The following HSPG2 variants were observed in gnomAD, a reference collection of about 807,000 sequenced individuals.
The protein encoded by HSPG2 is basement membrane-specific heparan sulfate proteoglycan core protein.
Under a neutral mutation model 526.6 loss-of-function variants are expected in HSPG2, and 278 were observed. The observed-to-expected ratio is 0.53, with a 90% confidence interval of 0.48 to 0.58. The LOEUF is 0.58. Among genes scored for constraint, HSPG2 ranks in the 20% least tolerant of loss-of-function variants. The probability of loss-of-function intolerance (pLI) is 0.00; values close to 1 mark genes in which losing one functional copy is unlikely to be tolerated. For missense variants in HSPG2, 5,354 were observed against 6,099.5 expected (o/e 0.88, Z 4.07); for synonymous variants, 2,465 against 2,555.4 (o/e 0.96, Z 1.07).
chr1:21,841,199 C>G lies in HSPG2; in HGVS notation c.9415G>C (p.Glu3139Gln). ...AVTLECVSAG[E>Q]PRSSARWTRI... ...GTCCAACGAGCAGAGGAGCGGGGCTCCCCGGCACTGACACACTCCAGGGTG... is the reference window on the plus strand; with the variant it reads ...GTCCAACGAGCAGAGGAGCGGGGCTGCCCGGCACTGACACACTCCAGGGTG... The change falls in exon 71 of 97, where the codon GAG becomes CAG. Residue 3139 changes from glutamate (E) to glutamine (Q), a missense_variant. Transcript: ENST00000374695. 1 of 1,613,864 alleles carries G rather than the reference C, an allele frequency of 6.2e-7. No individual in the cohort carries two copies. Among genetic ancestry groups the G allele is most frequent in the Non-Finnish European group, 8.5e-7 (1 of 1,180,052 alleles).
At position 21,848,631 on chromosome 1, in the gene HSPG2, C is replaced by T; in HGVS notation, c.7737+12G>A. 3.7e-6 allele frequency: 6 copies of T among 1,612,984 alleles called. No homozygotes were observed. Among genetic ancestry groups the T allele is most frequent in the Non-Finnish European group, 5.1e-6 (6 of 1,180,012 alleles). ...GCCCTGCTTTTGCCCTCCCCACCTG[C>T]TGGCCCTGTACCTGGTGCCGGCTGG... On this transcript the variant is annotated intron_variant, in intron 59 of 96. Coordinates refer to ENST00000374695, the MANE Select transcript of HSPG2 (RefSeq NM_005529.7). The surrounding 1 kb of genome is among the most constrained non-coding windows in gnomAD (Gnocchi z 4.9).
Position 21,904,315 on chromosome 1 carries a change from G to A in HSPG2, c.64-8005C>T, listed in dbSNP as rs935252225. Among the ~76,000 whole-genome samples the A allele has an allele frequency of 2.0e-5, 3 of 152,138 alleles. No homozygotes were observed. Among genetic ancestry groups the A allele is most frequent in the Admixed American group, 6.5e-5 (1 of 15,274 alleles). On this transcript the variant is annotated intron_variant, in intron 1 of 96. Coordinates refer to ENST00000374695, the MANE Select transcript of HSPG2 (RefSeq NM_005529.7). This position sits in a 1 kb window ranked among gnomAD's most constrained non-coding sequence, Gnocchi z 4.4. ...GCAAAGCAGAGAAGGGGAAGAGTGC[G>A]GACCAGGTGGAGGGAAGGGCACACG...
intron 1 of HSPG2, among the ~76,000 whole-genome samples, chr1:21,911,271 G>A (rs563384283): frequency 6.6e-6 from 1 of 152,330 alleles, no homozygotes; most frequent in South Asian, 2.1e-4. Flanking sequence ...GTACTGGGAG[G>A]AGGGGGCTAC....
At position 21,862,209 on chromosome 1, in the gene HSPG2, T is replaced by C. The variant is rs1393179556; in HGVS notation, c.4741-94A>G. 1.5e-5 allele frequency: 20 copies of C among 1,363,702 alleles called. No individual in the cohort carries two copies. The East Asian group carries it at 4.0e-4, about 27-fold the overall frequency. The allele number at this position is 1,363,702 out of a possible 1,614,324, so 84.5% of individuals were successfully genotyped here. On this transcript the variant is annotated intron_variant, in intron 37 of 96. Transcript: ENST00000374695. Reference sequence around the variant, plus strand: ...ATCCCTTGATCTAGAAATTCCAAGTTTGTGAACTCATCTTAAAGAAAGAAT... The same window carrying C: ...ATCCCTTGATCTAGAAATTCCAAGTCTGTGAACTCATCTTAAAGAAAGAAT...
rs1333742667 is a variant in HSPG2, at chr1:21,865,234, A to G, written c.4395+51T>C. The G allele has an allele frequency of 2.2e-5, 34 of 1,572,384 alleles. No individual in the cohort carries two copies. The highest frequency in any genetic ancestry group is 3.0e-5 in the Non-Finnish European group (34 of 1,142,326). Reference sequence around the variant, plus strand: ...GGGTATCAAAGCCAGGCTCTGAGTCAGGGTGGAGGGTGGGGTGGGGTTAGA... The same window carrying G: ...GGGTATCAAAGCCAGGCTCTGAGTCGGGGTGGAGGGTGGGGTGGGGTTAGA... On this transcript the variant is annotated intron_variant, in intron 35 of 96. Coordinates refer to ENST00000374695, the MANE Select transcript of HSPG2 (RefSeq NM_005529.7). The surrounding 1 kb of genome is among the most constrained non-coding windows in gnomAD (Gnocchi z 5.4).
intron 75 of HSPG2, 33 bp from the exon 76 acceptor site, chr1:21,835,670 T>C: frequency 1.3e-6 from 2 of 1,531,732 alleles, no homozygotes; most frequent in Non-Finnish European, 1.8e-6. Context: ...CATCAGGGAG[T>C]TGAAAACAAC....
Position 21,874,858 on chromosome 1 carries a change from G to T in HSPG2, c.3414+33C>A, listed in dbSNP as rs766546415. The stretch of plus-strand genomic sequence containing the variant: ...AGGAGCGGGAAGCACCATGGAGGGG[G>T]CTGGCTGGGCTGGCGTGGGGCCCAG... On this transcript the variant is annotated intron_variant, in intron 26 of 96. Transcript: ENST00000374695. 14 of 1,563,756 alleles carry T rather than the reference G, an allele frequency of 9.0e-6. No homozygotes were observed. In the East Asian group the frequency reaches 1.6e-4, roughly 18 times the overall value.
intron 55 of HSPG2, 70 bp downstream of exon 55, chr1:21,851,476 T>A: frequency 6.2e-7 from 1 of 1,606,644 alleles, no homozygotes; most frequent in Middle Eastern, 2.2e-4. Context: ...CCTCTAGCCC[T>A]CCCCCAATAA....
Position 21,848,674 on chromosome 1 carries a change from T to G in HSPG2, c.7706A>C (p.Lys2569Thr), listed in dbSNP as rs1421137181. 1 of 1,613,610 alleles carries G rather than the reference T, an allele frequency of 6.2e-7. No individual in the cohort carries two copies. Among genetic ancestry groups the G allele is most frequent in the South Asian group, 1.1e-5 (1 of 91,064 alleles). The change falls in exon 59 of 97, where the codon AAG (lysine) becomes ACG (threonine). Residue 2569 changes from lysine (K) to threonine (T), a missense_variant. Coordinates refer to ENST00000374695, the MANE Select transcript of HSPG2 (RefSeq NM_005529.7). The surrounding 1 kb of genome is among the most constrained non-coding windows in gnomAD (Gnocchi z 4.9). ...SQAPHTITWY[K>T]RGGSLPSRHQ... ...CCGGCTGGGTAAGCTGCCTCCACGC[T>G]TATACCAGGTGATGGTGTGGGGAGC... is the stretch of plus-strand genomic sequence containing the variant.
rs1640150413 is a variant in HSPG2 at position 21,865,416 on chromosome 1, G to T, written c.4315-51C>A. On this transcript the variant is annotated intron_variant, in intron 34 of 96. Coordinates refer to ENST00000374695, the MANE Select transcript of HSPG2 (RefSeq NM_005529.7). This position sits in a 1 kb window ranked among gnomAD's most constrained non-coding sequence, Gnocchi z 5.4. ...AGGGGAGCCGAGGGGTCCCTGGGGTGCCAGGGTGTCCTCCACCAGTCCTAG... is the reference window on the plus strand; with the variant it reads ...AGGGGAGCCGAGGGGTCCCTGGGGTTCCAGGGTGTCCTCCACCAGTCCTAG... 1 of 1,528,998 alleles carries T rather than the reference G, an allele frequency of 6.5e-7. No homozygotes were observed. The highest frequency in any genetic ancestry group is 9.1e-7 in the Non-Finnish European group (1 of 1,103,498). 94.7% of individuals were successfully genotyped at this position (1,528,998 alleles called of 1,614,324 possible). A position where few individuals can be genotyped will look rare whatever the true frequency, so the allele number is the denominator to read the frequency against.
At chr1:21,842,654 AT>A in intron 67 of HSPG2, 115 bp downstream of exon 67, 2 of 1,389,434 alleles carry the variant, frequency 1.4e-6, no homozygotes, top group Non-Finnish European at 2.0e-6. Context: ...CCGCAAACGT[AT>A]TTTATCCCCT....
intron 42 of HSPG2, 129 bp from the exon 43 acceptor site, chr1:21,857,514 C>G: frequency 2.4e-6 from 2 of 826,210 alleles, no homozygotes; most frequent in East Asian, 2.6e-5. Context: ...ATTCTACCCC[C>G]TGGCACCTCC....
chr1:21,885,411 G>A lies in HSPG2; in HGVS notation c.1119C>T (p.Phe373=). 1 of 1,614,100 alleles carries A rather than the reference G, an allele frequency of 6.2e-7. No homozygotes were observed. The highest frequency in any genetic ancestry group is 1.7e-5 in the Admixed American group (1 of 60,010). ...TGCACATGTTGGTAGAGACGCATCGGAACTGTGTGGGCCCGCACACTTCCT... is the reference window on the plus strand; with the variant it reads ...TGCACATGTTGGTAGAGACGCATCGAAACTGTGTGGGCCCGCACACTTCCT... ...RPEEVCGPTQ[F]RCVSTNMCIP... The change falls in exon 10 of 97, where the codon TTC becomes TTT. Residue 373 remains phenylalanine (F), a synonymous_variant. Transcript: ENST00000374695.
Position 21,876,260 on chromosome 1 carries a change from C to A in HSPG2, c.2972G>T (p.Trp991Leu), listed in dbSNP as rs1311924903. 1 of 1,613,208 alleles carries A rather than the reference C, an allele frequency of 6.2e-7. No homozygotes were observed. The highest frequency in any genetic ancestry group is 8.5e-7 in the Non-Finnish European group (1 of 1,179,676). ...FHRLLSGPYF[W>L]SLPSRFLGDK... ...CCCCAGGAAGCGTGAAGGGAGGCTC[C>A]AGAAGTAGGGTCCAGATAAGAGTCT... The change falls in exon 23 of 97, where the codon TGG becomes TTG. Residue 991 changes from tryptophan to leucine, a missense_variant. Transcript: ENST00000374695.
At chr1:21,906,529 A>G (rs1643385288) in intron 1 of HSPG2, among the ~76,000 whole-genome samples, 1 of 152,106 alleles carries the variant, frequency 6.6e-6, no homozygotes, top group Non-Finnish European at 1.5e-5. Flanking sequence ...GCCTGTGGAG[A>G]GCAGAGCTGG....
chr1:21,907,689 T>C (rs932357030), intron 1 of HSPG2, among the ~76,000 whole-genome samples: 3 of 152,154 alleles, frequency 2.0e-5, no homozygotes, highest in Admixed American at 6.5e-5. Flanking sequence ...GGCTAATTTA[T>C]TTTTTGTAGA....
chr1:21,931,900 C>A (rs928804172), intron 1 of HSPG2, among the ~76,000 whole-genome samples: 14 of 152,180 alleles, frequency 9.2e-5, no homozygotes, highest in Non-Finnish European at 1.6e-4. Context: ...CCCCTTCCCC[C>A]ACTAGCAGCA....
At chr1:21,897,834 G>A (rs977799787) in intron 1 of HSPG2, among the ~76,000 whole-genome samples, 2 of 152,116 alleles carry the variant, frequency 1.3e-5, no homozygotes, top group Non-Finnish European at 2.9e-5. Flanking sequence ...ATTACTGACT[G>A]TACCCTGAAA....
chr1:21,828,385 G>A lies in HSPG2; in HGVS notation c.12279C>T (p.Phe4093=), dbSNP rs1455235558. The A allele has an allele frequency of 6.2e-7, 1 of 1,613,664 alleles. No homozygotes were observed. Among genetic ancestry groups the A allele is most frequent in the African/African-American group, 1.3e-5 (1 of 74,932 alleles). ...NGKRLDLTYS[F]LGSQGIGQCY... is the part of the protein sequence containing the mutation. The stretch of plus-strand genomic sequence containing the variant: ...ATTGCCCGATGCCCTGGCTGCCTAG[G>A]AAACTGTAGGTGAGGTCCAGCCGTT... The change falls in exon 89 of 97, where the codon TTC becomes TTT. Residue 4093 remains phenylalanine (F), a synonymous_variant. Transcript: ENST00000374695. This position sits in a 1 kb window ranked among gnomAD's most constrained non-coding sequence, Gnocchi z 6.0.
Sources: gnomAD v4.1 joint callset for allele counts (sites outside exome capture counted in the v4.1 genomes callset) on GRCh38, gnomAD v4.1.1 for gene constraint, Gnocchi (gnomAD v3.1) non-coding constraint, MANE v1.5 for transcripts, NCBI Gene and HGNC (gene_info 2026-07-23, HGNC 2026-07-21) for gene names.